Variants in BBS9 observed in about 807,000 individuals in gnomAD.
BBS9 encodes the protein protein PTHB1.
Under a neutral mutation model 117.7 loss-of-function variants are expected in BBS9, and 89 were observed. The observed-to-expected ratio is 0.76, with a 90% confidence interval of 0.64 to 0.90. BBS9 has a LOEUF of 0.90. Ranked by LOEUF, BBS9 falls within the 40% of genes least tolerant of loss-of-function variation. The probability of loss-of-function intolerance (pLI) is 0.00; values close to 1 mark genes in which losing one functional copy is unlikely to be tolerated. For missense variants in BBS9, 982 were observed against 1,042.2 expected, an observed-to-expected ratio of 0.94 and a Z score of 0.80; for synonymous variants, 379 against 370.9, an observed-to-expected ratio of 1.02 and a Z score of -0.25.
chr7:33,511,324 G>C (rs558135221), intron 20 of BBS9, among the ~76,000 whole-genome samples: 1 of 152,136 alleles, frequency 6.6e-6, no homozygotes, highest in African/African-American at 2.4e-5. Flanking sequence ...GAGCAGTTTT[G>C]ATATTTCCAA....
chr7:33,136,483 G>A (rs1359620753), intron 1 of BBS9, among the ~76,000 whole-genome samples: 3 of 152,210 alleles, frequency 2.0e-5, no homozygotes, highest in Admixed American at 2.0e-4. Flanking sequence ...TATGATGTAA[G>A]CTGTGGATTT....
chr7:33,169,995 G>A (rs1252242222), intron 4 of BBS9, among the ~76,000 whole-genome samples: 6 of 152,248 alleles, frequency 3.9e-5, no homozygotes, highest in East Asian at 1.9e-4. Context: ...TGTATAAGGT[G>A]TAATCACAGC....
rs1332412353 is a variant in BBS9, at chr7:33,387,984, C to T, written c.1963-8C>T. Reference sequence around the variant, plus strand: ...TTTAATCTCAATTTAAGAAATTATTCATTGCAGCTACGGATAAATGGTGAA... The same window carrying T: ...TTTAATCTCAATTTAAGAAATTATTTATTGCAGCTACGGATAAATGGTGAA... On this transcript the variant is annotated splice_polypyrimidine_tract_variant and splice_region_variant and intron_variant, in intron 18 of 22. Coordinates refer to ENST00000242067, the MANE Select transcript of BBS9 (RefSeq NM_198428.3). 6.2e-7 allele frequency: 1 copy of T among 1,613,266 alleles called. No individual in the cohort carries two copies. Among genetic ancestry groups the T allele is most frequent in the East Asian group, 2.2e-5 (1 of 44,862 alleles).
chr7:33,312,111 A>G (rs2128554611), intron 9 of BBS9, among the ~76,000 whole-genome samples: 2 of 152,232 alleles, frequency 1.3e-5, no homozygotes, highest in Admixed American at 6.5e-5. Flanking sequence ...CTCCACCAGA[A>G]ATACCTTTTT....
chr7:33,531,625 G>T (rs1850591222), intron 20 of BBS9, among the ~76,000 whole-genome samples: 1 of 152,214 alleles, frequency 6.6e-6, no homozygotes, highest in African/African-American at 2.4e-5. Flanking sequence ...TGTTTATTCT[G>T]GAGGAGAGGG....
At chr7:33,474,003 G>T (rs753834377) in intron 19 of BBS9, among the ~76,000 whole-genome samples, 1 of 152,150 alleles carries the variant, frequency 6.6e-6, no homozygotes, top group Non-Finnish European at 1.5e-5. Context: ...ACACTTTGAA[G>T]ATTTTAAATA....
chr7:33,424,450 G>T (rs768844721), intron 19 of BBS9, among the ~76,000 whole-genome samples: 2 of 152,134 alleles, frequency 1.3e-5, no homozygotes, highest in Non-Finnish European at 2.9e-5. Context: ...AATTTCAAAC[G>T]AGAAGAGATG....
At chr7:33,431,485 C>G (rs534690558) in intron 19 of BBS9, among the ~76,000 whole-genome samples, 1 of 152,038 alleles carries the variant, frequency 6.6e-6, no homozygotes, top group Non-Finnish European at 1.5e-5. Flanking sequence ...GAAGGTGGAG[C>G]CTTAGGGAGG....
At chr7:33,563,771 G>A (rs1856452730) in intron 21 of BBS9, among the ~76,000 whole-genome samples, 1 of 152,192 alleles carries the variant, frequency 6.6e-6, no homozygotes, top group Non-Finnish European at 1.5e-5. Flanking sequence ...TCGAGGGAAG[G>A]AATGTCTGAG....
chr7:33,372,899 G>A (rs1183387083), intron 17 of BBS9, among the ~76,000 whole-genome samples: 1 of 151,992 alleles, frequency 6.6e-6, no homozygotes. Context: ...TATGTATCCA[G>A]GAATTTATCA....
intron 9 of BBS9, among the ~76,000 whole-genome samples, chr7:33,281,366 CTTTT>C (rs397890694): frequency 9.1e-5 from 4 of 43,884 alleles, no homozygotes; most frequent in East Asian, 7.1e-4. Flanking sequence ...TGGTCTATGC[CTTTT>C]TTTTTTTTTT....
intron 19 of BBS9, among the ~76,000 whole-genome samples, chr7:33,435,763 AAGGCCATTCAGTTGGTTCC>A (rs149401341): frequency 0.025 from 3,870 of 152,270 alleles, 76 homozygotes; most frequent in South Asian, 0.05. Context: ...ATTTTCCGTA[AAGGCCATTCAGTTGGTTCC>A]AGGAGGGTTT....
chr7:33,327,894 A>G (rs1322904279), intron 9 of BBS9, among the ~76,000 whole-genome samples: 1 of 152,184 alleles, frequency 6.6e-6, no homozygotes, highest in East Asian at 1.9e-4. Context: ...AGCTTAAAGA[A>G]TGGAGTTACC....
At chr7:33,302,404 G>A (rs1324024254) in intron 9 of BBS9, among the ~76,000 whole-genome samples, 1 of 152,086 alleles carries the variant, frequency 6.6e-6, no homozygotes, top group East Asian at 1.9e-4. Flanking sequence ...TGGTTTCATA[G>A]TTTGATATAT....
rs75094256 is a variant in BBS9, at chr7:33,614,280, A to G, written c.2522-20897A>G. On this transcript the variant is annotated intron_variant, in intron 21 of 21. Transcript: ENST00000671952. ...AAAAATATCAGAAGTTAACCTTGCC[A>G]CAAAAAATACAATAACGTGACACAT... Among the ~76,000 whole-genome samples the G allele has an allele frequency of 2.1e-3, 321 of 152,256 alleles. 7 individuals carry two copies. In the East Asian group the frequency reaches 0.048, roughly 23 times the overall value.
At chr7:33,226,804 T>A (rs1484193466) in intron 5 of BBS9, among the ~76,000 whole-genome samples, 3 of 152,204 alleles carry the variant, frequency 2.0e-5, no homozygotes, top group Non-Finnish European at 4.4e-5. Flanking sequence ...ACAAATATTG[T>A]ATGATTCTTT....
intron 4 of BBS9, among the ~76,000 whole-genome samples, chr7:33,166,459 C>T (rs1584255972): frequency 6.6e-6 from 1 of 152,262 alleles, no homozygotes; most frequent in South Asian, 2.1e-4. Context: ...TGCCCTGCCT[C>T]CAGAGGTGGA....
chr7:33,632,307 T>C (rs1865927971), intron 21 of BBS9, among the ~76,000 whole-genome samples: 1 of 152,220 alleles, frequency 6.6e-6, no homozygotes, highest in African/African-American at 2.4e-5. Context: ...CTCTTCAATG[T>C]TCCACCGACC....
At chr7:33,511,070 C>G (rs1846883747) in intron 20 of BBS9, among the ~76,000 whole-genome samples, 1 of 152,096 alleles carries the variant, frequency 6.6e-6, no homozygotes, top group African/African-American at 2.4e-5. Context: ...GATGCTGTTC[C>G]TATTCCCCCA....
Sources: allele counts gnomAD v4.1 joint callset (sites outside exome capture counted in the v4.1 genomes callset), GRCh38; gene constraint gnomAD v4.1.1; transcripts MANE v1.5; gene names NCBI Gene and HGNC (gene_info 2026-07-23, HGNC 2026-07-21).